Variants in CHIC2 observed in about 807,000 individuals in gnomAD.
CHIC2 encodes the protein cysteine-rich hydrophobic domain-containing protein 2.
A neutral mutation model predicts 25.9 loss-of-function variants in CHIC2; 14 were observed. The ratio of observed to expected loss-of-function variants is 0.54; its 90% confidence interval spans 0.36 to 0.85. CHIC2 has a LOEUF of 0.85. Ranked by LOEUF, CHIC2 falls within the 40% of genes least tolerant of loss-of-function variation. CHIC2 has a pLI of 0.01. For synonymous variants in CHIC2, 70 were observed against 72.0 expected, an observed-to-expected ratio of 0.97 and a Z score of 0.14; for missense variants, 146 against 202.0, an observed-to-expected ratio of 0.72 and a Z score of 1.68.
chr4:54,086,346 A>G, the CHIC2 span, among the ~76,000 whole-genome samples: 474 of 152,148 alleles, frequency 3.1e-3, 4 homozygotes, highest in African/African-American at 0.011. Flanking sequence ...ATCAGTGCAA[A>G]TCCATTTCAT....
At chr4:54,067,292 G>A (rs1717536845), upstream of CHIC2, among the ~76,000 whole-genome samples, 1 of 41,420 alleles carries the variant, frequency 2.4e-5, no homozygotes, top group South Asian at 1.7e-3. Flanking sequence ...CTGTGTGTGT[G>A]TGTCTGTGTG....
At chr4:54,040,018 G>A (rs1306883732) in intron 3 of CHIC2, among the ~76,000 whole-genome samples, 4 of 152,096 alleles carry the variant, frequency 2.6e-5, no homozygotes, top group East Asian at 3.9e-4. Flanking sequence ...ACAGATCACT[G>A]GTTGCCAGGG....
chr4:54,025,945 G>A (rs1230278685), intron 3 of CHIC2, among the ~76,000 whole-genome samples: 1 of 151,988 alleles, frequency 6.6e-6, no homozygotes, highest in South Asian at 2.1e-4. Context: ...CACAACTGGA[G>A]AAACAAGAAG....
intron 3 of CHIC2, among the ~76,000 whole-genome samples, chr4:54,046,594 A>G (rs922564305): frequency 5.9e-5 from 9 of 152,236 alleles, no homozygotes; most frequent in Non-Finnish European, 8.8e-5. Flanking sequence ...CTGGCTAGCC[A>G]TATGTACAAA....
chr4:54,053,653 T>C (rs987038641), intron 1 of CHIC2, among the ~76,000 whole-genome samples: 3 of 151,880 alleles, frequency 2.0e-5, no homozygotes, highest in Non-Finnish European at 4.4e-5. Flanking sequence ...GGCACAGATA[T>C]GTTAATGAAT....
upstream of CHIC2, chr4:54,065,423 T>C (rs76194324): frequency 5.4e-5 from 33 of 610,658 alleles, no homozygotes; most frequent in East Asian, 4.6e-3. Context: ...TACCAGTTCC[T>C]ACCACAAAAA....
intron 3 of CHIC2, among the ~76,000 whole-genome samples, chr4:54,025,410 T>C (rs1716027298): frequency 6.6e-6 from 1 of 151,938 alleles, no homozygotes; most frequent in South Asian, 2.1e-4. Flanking sequence ...CCAAAATCTG[T>C]AAGAACTAAT....
Position 54,058,140 on chromosome 4 carries a change from A to G in CHIC2, c.119+6042T>C, listed in dbSNP as rs906057618. 6.6e-5 allele frequency among the ~76,000 whole-genome samples: 10 copies of G among 152,232 alleles called. No homozygotes were observed. The East Asian group carries it at 1.5e-3, about 23-fold the overall frequency. On this transcript the variant is annotated intron_variant, in intron 1 of 5. Transcript: ENST00000263921. The stretch of plus-strand genomic sequence containing the variant: ...GAATCTTGTTTTAAAGCAGAAAAGC[A>G]TACTTCACATTTTAGACTGACTTCC...
chr4:54,021,723 C>T (rs763678349), intron 3 of CHIC2, among the ~76,000 whole-genome samples: 16 of 152,130 alleles, frequency 1.1e-4, no homozygotes, highest in Non-Finnish European at 1.3e-4. Context: ...GCAGCCCAGT[C>T]CATGGCCCGT....
At chr4:54,079,873 G>C in the CHIC2 span, among the ~76,000 whole-genome samples, 1 of 151,984 alleles carries the variant, frequency 6.6e-6, no homozygotes, top group Non-Finnish European at 1.5e-5. Flanking sequence ...TATGGAGAAA[G>C]GGAACCCTTA....
At chr4:54,067,796 G>C (rs1346940685), upstream of CHIC2, among the ~76,000 whole-genome samples, 1 of 152,058 alleles carries the variant, frequency 6.6e-6, no homozygotes, top group Non-Finnish European at 1.5e-5. Context: ...TTTCTACCTA[G>C]CAGAGTGGCC....
intron 3 of CHIC2, among the ~76,000 whole-genome samples, chr4:54,030,305 C>T (rs915210008): frequency 2.6e-5 from 4 of 152,022 alleles, no homozygotes; most frequent in East Asian, 1.9e-4. Context: ...ATTGCTTGAA[C>T]CCAGGAGTTA....
the CHIC2 span, among the ~76,000 whole-genome samples, chr4:54,084,066 A>G: frequency 6.6e-6 from 1 of 152,212 alleles, no homozygotes. Context: ...CCATGATGCC[A>G]GCAGGAAGAA....
intron 3 of CHIC2, among the ~76,000 whole-genome samples, chr4:54,024,734 T>G (rs1056724623): frequency 6.6e-6 from 1 of 152,186 alleles, no homozygotes; most frequent in Non-Finnish European, 1.5e-5. Context: ...CTGAACCCCC[T>G]TAGGCACTCT....
intron 3 of CHIC2, among the ~76,000 whole-genome samples, chr4:54,022,892 C>T (rs1444741776): frequency 8.5e-5 from 13 of 152,146 alleles, no homozygotes; most frequent in Admixed American, 8.5e-4. Context: ...TACAATTCCC[C>T]CATTTTACCT....
upstream of CHIC2, among the ~76,000 whole-genome samples, chr4:54,067,927 C>CA (rs985761871): frequency 4.0e-5 from 6 of 151,028 alleles, no homozygotes; most frequent in African/African-American, 7.3e-5. Context: ...TGTCCCCCCC[C>CA]CCAAATTCAT....
chr4:54,064,618 C>G (rs1293519834), upstream of CHIC2: 19 of 1,118,128 alleles, frequency 1.7e-5, no homozygotes, highest in Non-Finnish European at 1.9e-5. This position sits in a 1 kb window ranked among gnomAD's most constrained non-coding sequence, Gnocchi z 4.2. Context: ...AGCAACAGCC[C>G]GAGCCACCCG....
intron 3 of CHIC2, among the ~76,000 whole-genome samples, chr4:54,016,296 A>G (rs1715736358): frequency 1.3e-5 from 2 of 152,098 alleles, no homozygotes; most frequent in Non-Finnish European, 2.9e-5. Flanking sequence ...TGCTATAATA[A>G]GAATAGATCT....
intron 3 of CHIC2, among the ~76,000 whole-genome samples, chr4:54,024,118 A>G (rs1715987917): frequency 2.0e-5 from 3 of 152,170 alleles, no homozygotes; most frequent in Admixed American, 2.0e-4. Context: ...CTCTGCCACT[A>G]AAACTTCCAC....
Sources: gnomAD v4.1 joint callset for allele counts (sites outside exome capture counted in the v4.1 genomes callset) on GRCh38, gnomAD v4.1.1 for gene constraint, Gnocchi (gnomAD v3.1) non-coding constraint, MANE v1.5 for transcripts, NCBI Gene and HGNC (gene_info 2026-07-23, HGNC 2026-07-21) for gene names.